IRGM: variants seen among roughly 807,000 people sequenced by gnomAD.
IRGM encodes the protein immunity related GTPase M, also known as immunity-related GTPase family M protein.
For synonymous variants in IRGM, 98 were observed against 80.6 expected (o/e 1.22, Z -1.16); for missense variants, 288 against 219.9 (o/e 1.31, Z -1.96).
chr5:150,846,556 G>A lies in IRGM; in HGVS notation c.-1080G>A, dbSNP rs1203988796. ...TCAGGTCCCCTTCCATGCTGTGGAA[G>A]CTTTGTTTTTTTGCACTTTGCAGTA... is the stretch of plus-strand genomic sequence containing the variant. On this transcript the variant is annotated 5_prime_UTR_variant, in exon 1 of 2. Transcript: ENST00000522154. The A allele has an allele frequency of 1.3e-5, 2 of 151,982 alleles. No individual in the cohort carries two copies. Among genetic ancestry groups the A allele is most frequent in the Non-Finnish European group, 2.9e-5 (2 of 68,080 alleles). The allele number at this position is 151,982 out of a possible 1,614,324, so 9.4% of individuals were successfully genotyped here.
intron 1 of IRGM, among the ~76,000 whole-genome samples, chr5:150,869,732 T>C (rs1179351183): frequency 6.6e-6 from 1 of 152,076 alleles, no homozygotes; most frequent in Non-Finnish European, 1.5e-5. Flanking sequence ...AACTTCTCTT[T>C]TTATTTTTTA....
chr5:150,899,412 T>C (rs1402576859), intron 3 of IRGM, among the ~76,000 whole-genome samples: 3 of 150,618 alleles, frequency 2.0e-5, no homozygotes, highest in Non-Finnish European at 3.0e-5. Flanking sequence ...TGTAAGTACA[T>C]TTTTTTTTAA....
intron 3 of IRGM, among the ~76,000 whole-genome samples, chr5:150,881,206 A>C (rs1754440511): frequency 6.6e-6 from 1 of 152,168 alleles, no homozygotes; most frequent in South Asian, 2.1e-4. Flanking sequence ...CAATTCAAAC[A>C]AGATGACACC....
intron 3 of IRGM, chr5:150,897,464 A>C (rs1051031249): frequency 3.2e-5 from 5 of 155,306 alleles, no homozygotes; most frequent in African/African-American, 7.2e-5. Flanking sequence ...AGTCAAACTG[A>C]GAATACAGAC....
At chr5:150,865,806 G>C (rs1051597987) in intron 1 of IRGM, among the ~76,000 whole-genome samples, 1 of 152,120 alleles carries the variant, frequency 6.6e-6, no homozygotes, top group African/African-American at 2.4e-5. Flanking sequence ...GCCCAGGCTG[G>C]AGTGCAGTGG....
chr5:150,891,706 A>C (rs1754612988), intron 3 of IRGM, among the ~76,000 whole-genome samples: 1 of 152,062 alleles, frequency 6.6e-6, no homozygotes, highest in Admixed American at 6.6e-5. Flanking sequence ...TAGCCATTCC[A>C]ATGACAGGCA....
downstream of IRGM, among the ~76,000 whole-genome samples, chr5:150,851,560 G>T (rs1438046575): frequency 6.6e-6 from 1 of 152,164 alleles, no homozygotes; most frequent in Non-Finnish European, 1.5e-5. Context: ...CCTTTGAGAA[G>T]ATGATATATA....
In IRGM at chr5:150,886,184, C is replaced by A. The variant is rs138326324; in HGVS notation, c.*140+6538C>A. Among the ~76,000 whole-genome samples, 415 of 152,010 alleles carry A rather than the reference C, an allele frequency of 2.7e-3. 2 individuals are homozygous for A. Among genetic ancestry groups the A allele is most frequent in the African/African-American group, 9.6e-3 (399 of 41,512 alleles). ...ATCATGTGGCTTTTGTCTTTAGTTC[C>A]GTTTATGTGATGAATCACATTTATT... On this transcript the variant is annotated intron_variant and NMD_transcript_variant, in intron 3 of 3. Transcript: ENST00000520549.
intron 3 of IRGM, among the ~76,000 whole-genome samples, chr5:150,889,558 T>G (rs1754576568): frequency 6.6e-6 from 1 of 152,014 alleles, no homozygotes; most frequent in South Asian, 2.1e-4. Flanking sequence ...GAGTTTTACT[T>G]CTTTTTTTCC....
At chr5:150,865,763 A>C (rs1754199189) in intron 1 of IRGM, among the ~76,000 whole-genome samples, 1 of 152,018 alleles carries the variant, frequency 6.6e-6, no homozygotes, top group South Asian at 2.1e-4. Flanking sequence ...AGAAAAGATG[A>C]CTTTTTTTTT....
intron 3 of IRGM, among the ~76,000 whole-genome samples, chr5:150,882,302 A>G (rs1275820333): frequency 2.0e-5 from 3 of 152,082 alleles, no homozygotes; most frequent in African/African-American, 7.2e-5. Context: ...GCAAGAGAGG[A>G]AGAAAGGAAC....
At chr5:150,879,174 A>C (rs1189832537) in intron 2 of IRGM, among the ~76,000 whole-genome samples, 1 of 152,182 alleles carries the variant, frequency 6.6e-6, no homozygotes, top group East Asian at 1.9e-4. Context: ...GTAATGAGTA[A>C]AAAGGGAAAG....
chr5:150,854,196 T>C (rs1253646076), intron 1 of IRGM, among the ~76,000 whole-genome samples: 1 of 152,116 alleles, frequency 6.6e-6, no homozygotes, highest in Admixed American at 6.5e-5. Flanking sequence ...AACACTTTGC[T>C]TTTTTACAAC....
exon 2 of IRGM, chr5:150,878,019 G>C (rs141904691): frequency 3.4e-4 from 157 of 458,094 alleles, no homozygotes; most frequent in African/African-American, 2.8e-3. Context: ...CCACAGCCAC[G>C]TACCTCTTGC....
downstream of IRGM, among the ~76,000 whole-genome samples, chr5:150,851,415 G>C (rs11167514): frequency 0.25 from 37,885 of 152,058 alleles, 6,799 homozygotes; most frequent in East Asian, 0.61. Context: ...AGAGCATCAG[G>C]GGGACCTCAT....
At chr5:150,896,091 C>T (rs1754761853) in intron 3 of IRGM, 2 of 1,613,418 alleles carry the variant, frequency 1.2e-6, no homozygotes, top group Non-Finnish European at 1.7e-6. Context: ...ACACTCTCTA[C>T]ATTCATAGGG....
chr5:150,892,518 A>G (rs1337972167), intron 3 of IRGM, among the ~76,000 whole-genome samples: 1 of 152,124 alleles, frequency 6.6e-6, no homozygotes, highest in Admixed American at 6.5e-5. Flanking sequence ...TACAAATAAC[A>G]ACACTTTTAT....
chr5:150,895,334 G>T, intron 3 of IRGM: 1 of 1,012,824 alleles, frequency 9.9e-7, no homozygotes, highest in Non-Finnish European at 1.4e-6. Context: ...TTATCTATTG[G>T]GATGTTGTCC....
At chr5:150,861,691 AT>A (rs1754138050) in intron 1 of IRGM, among the ~76,000 whole-genome samples, 1 of 152,220 alleles carries the variant, frequency 6.6e-6, no homozygotes, top group Non-Finnish European at 1.5e-5. Flanking sequence ...TTATGTACAA[AT>A]AATGATGACA....
Sources: gnomAD v4.1 joint callset for allele counts (sites outside exome capture counted in the v4.1 genomes callset) on GRCh38, gnomAD v4.1.1 for gene constraint, MANE v1.5 for transcripts, NCBI Gene and HGNC (gene_info 2026-07-23, HGNC 2026-07-21) for gene names.